The following OPCML variants were observed in gnomAD, a reference collection of about 807,000 sequenced individuals.
OPCML encodes opioid binding protein/cell adhesion molecule like.
OPCML carries 13 observed loss-of-function variants against 37.8 expected under a neutral mutation model. The ratio of observed to expected loss-of-function variants is 0.34; its 90% CI spans 0.22 to 0.55. The LOEUF (loss-of-function observed/expected upper bound fraction) is 0.55. Ranked by LOEUF, OPCML falls within the 20% of genes least tolerant of loss-of-function variation. The pLI, the probability that OPCML is intolerant of heterozygous loss-of-function variation, is 0.91. For synonymous variants in OPCML, 176 were observed against 168.8 expected, an observed-to-expected ratio of 1.04 and a Z score of -0.33; for missense variants, 341 against 435.6, an observed-to-expected ratio of 0.78 and a Z score of 1.93.
At chr11:133,382,544 G>A (rs980590844) in intron 1 of OPCML, among the ~76,000 whole-genome samples, 1 of 152,086 alleles carries the variant, frequency 6.6e-6, no homozygotes, top group Non-Finnish European at 1.5e-5. Flanking sequence ...CCAGGCAGCC[G>A]GCCAAAGAAG....
In OPCML at chr11:132,607,825, T is replaced by G. The variant is rs184539355; in HGVS notation, c.379+49262A>C. Reference sequence around the variant, plus strand: ...TATATGGGTCTCATGAAGACAGGGATTAGATTGGTGGTTACCAGAGGCAGA... The same window carrying G: ...TATATGGGTCTCATGAAGACAGGGAGTAGATTGGTGGTTACCAGAGGCAGA... On this transcript the variant is annotated intron_variant, in intron 3 of 7. Coordinates refer to ENST00000524381, the MANE Select transcript of OPCML (RefSeq NM_001012393.5). Among the ~76,000 whole-genome samples, 29 of 152,232 alleles carry G rather than the reference T, an allele frequency of 1.9e-4. No individual in the cohort carries two copies. The East Asian group carries it at 5.4e-3, about 28-fold the overall frequency.
intron 2 of OPCML, among the ~76,000 whole-genome samples, chr11:132,738,296 G>A (rs537938634): frequency 6.6e-5 from 10 of 152,306 alleles, no homozygotes; most frequent in African/African-American, 2.4e-4. Flanking sequence ...TGTACTTCAT[G>A]CTTAGGACCA....
At chr11:132,600,943 A>C (rs993498631) in intron 3 of OPCML, among the ~76,000 whole-genome samples, 23 of 143,048 alleles carry the variant, frequency 1.6e-4, no homozygotes, top group Non-Finnish European at 3.0e-5. Context: ...CTCCCACCTC[A>C]GCCTCCTGAG....
intron 1 of OPCML, among the ~76,000 whole-genome samples, chr11:133,227,082 G>A (rs7941266): frequency 1.3e-5 from 2 of 152,216 alleles, no homozygotes; most frequent in Non-Finnish European, 2.9e-5. Context: ...GTCGTGTTAG[G>A]GGGGGGTGCT....
At chr11:132,606,591 C>T (rs1938311321) in intron 3 of OPCML, among the ~76,000 whole-genome samples, 1 of 152,168 alleles carries the variant, frequency 6.6e-6, no homozygotes, top group East Asian at 1.9e-4. Flanking sequence ...TGTCTCTACA[C>T]CAAGTAAAGC....
chr11:133,433,745 G>A (rs4936188), intron 1 of OPCML, among the ~76,000 whole-genome samples: 72,705 of 151,932 alleles, frequency 0.48, 18,879 homozygotes, highest in East Asian at 0.8. Flanking sequence ...CTTCTGCAAG[G>A]CACATCTTCC....
At chr11:132,998,348 T>G (rs543389225) in intron 1 of OPCML, among the ~76,000 whole-genome samples, 2 of 152,214 alleles carry the variant, frequency 1.3e-5, no homozygotes, top group Non-Finnish European at 1.5e-5. Flanking sequence ...ACTTTCTCCC[T>G]GTCTTCTCAC....
intron 3 of OPCML, among the ~76,000 whole-genome samples, chr11:132,605,558 C>T: frequency 6.6e-6 from 1 of 151,992 alleles, no homozygotes; most frequent in East Asian, 1.9e-4. Flanking sequence ...GATAGAGACT[C>T]TGTGTCAAAA....
At chr11:132,895,401 G>A (rs1425942548) in intron 2 of OPCML, among the ~76,000 whole-genome samples, 1 of 152,204 alleles carries the variant, frequency 6.6e-6, no homozygotes. Flanking sequence ...TAGCTGAAGA[G>A]CTTCTAAGTG....
chr11:133,036,290 T>A (rs1947782864), intron 1 of OPCML, among the ~76,000 whole-genome samples: 1 of 152,202 alleles, frequency 6.6e-6, no homozygotes, highest in Admixed American at 6.5e-5. Flanking sequence ...TTTGTACATT[T>A]GTAAAAATAA....
At chr11:133,330,490 G>A (rs1007743514) in intron 1 of OPCML, among the ~76,000 whole-genome samples, 15 of 152,104 alleles carry the variant, frequency 9.9e-5, no homozygotes, top group African/African-American at 3.6e-4. Flanking sequence ...TATACACCAT[G>A]GAATACTATG....
chr11:132,488,035 G>A (rs1470588057), intron 4 of OPCML, among the ~76,000 whole-genome samples: 1 of 152,188 alleles, frequency 6.6e-6, no homozygotes, highest in Non-Finnish European at 1.5e-5. Flanking sequence ...TGCAGCCACA[G>A]CTCCTGCCAT....
At chr11:133,025,955 G>A (rs549003573) in intron 1 of OPCML, 166 of 493,882 alleles carry the variant, frequency 3.4e-4, no homozygotes, top group Non-Finnish European at 4.0e-4. Flanking sequence ...GCGTGGTCTC[G>A]AACTCCTGAC....
At chr11:133,499,267 G>A (rs1947853641) in intron 1 of OPCML, among the ~76,000 whole-genome samples, 1 of 152,134 alleles carries the variant, frequency 6.6e-6, no homozygotes, top group African/African-American at 2.4e-5. Flanking sequence ...CAGGGTCAGA[G>A]GAACTAGTGG....
At position 132,436,232 on chromosome 11, in the gene OPCML, G is replaced by A. The variant is rs753648690; in HGVS notation, c.770C>T (p.Ala257Val). 7.4e-6 allele frequency: 12 copies of A among 1,614,048 alleles called. No homozygotes were observed. The Middle Eastern group carries it at 4.9e-4, about 66-fold the overall frequency. Residue 257 changes from alanine to valine, a missense_variant, in exon 7 of 8, where the codon GCC (alanine) becomes GTC (valine). Coordinates refer to ENST00000524381, the MANE Select transcript of OPCML (RefSeq NM_001012393.5). ...AATCCTCATTCCATCCAGACCAGTGGCTAACCTGCAAGAGGGAAGACATTG... is the reference window on the plus strand; with the variant it reads ...AATCCTCATTCCATCCAGACCAGTGACTAACCTGCAAGAGGGAAGACATTG... Reference protein sequence around the residue: ...FQWFKEETRLATGLDGMRIEN... With the variant: ...FQWFKEETRLVTGLDGMRIEN...
At chr11:132,973,929 A>G (rs7112408) in intron 1 of OPCML, among the ~76,000 whole-genome samples, 1 of 144,920 alleles carries the variant, frequency 6.9e-6, no homozygotes, top group Non-Finnish European at 1.5e-5. Context: ...GGCCTAGCCT[A>G]CCCCTTACCA....
chr11:132,485,617 C>A (rs2096197334), intron 4 of OPCML, among the ~76,000 whole-genome samples: 1 of 152,210 alleles, frequency 6.6e-6, no homozygotes, highest in Non-Finnish European at 1.5e-5. Flanking sequence ...GCGTTGACTG[C>A]TTTAGAACTT....
At chr11:132,623,774 A>G (rs1279711567) in intron 3 of OPCML, among the ~76,000 whole-genome samples, 1 of 152,234 alleles carries the variant, frequency 6.6e-6, no homozygotes, top group Non-Finnish European at 1.5e-5. Flanking sequence ...AGATGATGAC[A>G]GTAAAAATAC....
At chr11:133,140,724 A>AGACGGAAGACGAC (rs1555102330) in intron 1 of OPCML, among the ~76,000 whole-genome samples, 2 of 22,152 alleles carry the variant, frequency 9.0e-5, no homozygotes, top group Middle Eastern at 0.016. Context: ...CGAAGACGGA[A>AGACGGAAGACGAC]GACGACGACG....
Sources: allele counts gnomAD v4.1 joint callset (sites outside exome capture counted in the v4.1 genomes callset), GRCh38; gene constraint gnomAD v4.1.1; transcripts MANE v1.5; gene names NCBI Gene and HGNC (gene_info 2026-07-23, HGNC 2026-07-21).